Variants in PRKAG1 observed in about 807,000 individuals in gnomAD.
PRKAG1 encodes the protein 5'-AMP-activated protein kinase subunit gamma-1.
In PRKAG1, 27 loss-of-function variants were observed where a neutral mutation model predicts 48.2. The observed-to-expected ratio is 0.56, with a 90% CI of 0.41 to 0.77. PRKAG1 has a LOEUF of 0.77. Among genes scored for constraint, PRKAG1 ranks in the 30% least tolerant of loss-of-function variants. The pLI, the probability that PRKAG1 is intolerant of heterozygous loss-of-function variation, is 0.00. For synonymous variants in PRKAG1, 130 were observed against 147.7 expected, an observed-to-expected ratio of 0.88 and a Z score of 0.87; for missense variants, 287 against 398.3, an observed-to-expected ratio of 0.72 and a Z score of 2.38.
Position 49,003,939 on chromosome 12 carries a change from C to G in PRKAG1, c.538-17G>C, listed in dbSNP as rs796422107. The stretch of plus-strand genomic sequence containing the variant: ...CTCAGTGATCTGAGGAAAGAACCAT[C>G]AGCTTAACTTTCAAGGCACCCAAAG... On this transcript the variant is annotated splice_polypyrimidine_tract_variant and intron_variant, in intron 8 of 11. Coordinates refer to ENST00000548065, the MANE Select transcript of PRKAG1 (RefSeq NM_002733.5). The G allele has an allele frequency of 6.4e-7, 1 of 1,574,210 alleles. No homozygotes were observed. Among genetic ancestry groups the G allele is most frequent in the African/African-American group, 1.4e-5 (1 of 73,728 alleles).
chr12:49,018,569 C>G, intron 1 of PRKAG1, 163 bp downstream of exon 1: 1 of 1,481,304 alleles, frequency 6.8e-7, no homozygotes, highest in Non-Finnish European at 8.9e-7. Context: ...ATGCGCCCAA[C>G]GAAGAAGCGG....
At position 49,003,888 on chromosome 12, in the gene PRKAG1, T is replaced by G; in HGVS notation, c.572A>C (p.Lys191Thr). ...GCCAATCTGTAGCTCTTCCAGAGAC[T>G]TGGACATGAACTCTGGCTTGGGGAA... ...TEFPKPEFMS[K>T]SLEELQIGTY... The change falls in exon 9 of 12, where the codon AAG (lysine) becomes ACG (threonine). Residue 191 changes from lysine to threonine, a missense_variant. By Grantham distance (78) the Lys-to-Thr change is moderately conservative. Transcript: ENST00000548065. The G allele has an allele frequency of 6.2e-7, 1 of 1,611,922 alleles. No individual in the cohort carries two copies. The highest frequency in any genetic ancestry group is 1.1e-5 in the South Asian group (1 of 90,758).
chr12:49,010,445 G>A (rs1351832897), intron 2 of PRKAG1, among the ~76,000 whole-genome samples: 1 of 152,182 alleles, frequency 6.6e-6, no homozygotes, highest in Non-Finnish European at 1.5e-5. Context: ...TGAAAAGGGG[G>A]AAAGGGCTGG....
intron 2 of PRKAG1, chr12:49,009,309 A>T (rs1941669689): frequency 6.6e-6 from 1 of 151,614 alleles, no homozygotes; most frequent in Non-Finnish European, 1.5e-5. Context: ...TTTTTTGTAG[A>T]GACAGGGTCT....
intron 2 of PRKAG1, among the ~76,000 whole-genome samples, chr12:49,009,727 C>T (rs1941683352): frequency 6.6e-6 from 1 of 152,154 alleles, no homozygotes; most frequent in East Asian, 1.9e-4. Flanking sequence ...ATTCTCCTGT[C>T]TCAGCCTCCC....
chr12:49,013,109 A>T lies in PRKAG1; in HGVS notation c.11T>A (p.Val4Asp), dbSNP rs1555182596. MET[V>D]ISSDSSPAVE... ...AGCTGGGGAGCTATCTGAAGAAATG[A>T]CCTGGAGAGATAAGAAAACAGATTC... Residue 4 changes from valine (V) to aspartate (D), a missense_variant and splice_region_variant, in exon 2 of 12, where the codon GTC becomes GAC. Val to Asp is a radical substitution (Grantham distance 152, BLOSUM62 -3). Around this residue, in one of 2 missense-constraint regions of PRKAG1, gnomAD observed 63 missense variants for 54.0 expected, o/e 1.17. Transcript: ENST00000548065. 3.7e-6 allele frequency: 6 copies of T among 1,613,288 alleles called. No individual in the cohort carries two copies. The highest frequency in any genetic ancestry group is 5.1e-6 in the Non-Finnish European group (6 of 1,179,332).
Position 49,005,819 on chromosome 12 carries a change from G to T in PRKAG1, c.92C>A (p.Ser31Tyr). The change falls in exon 3 of 12, where the codon TCC becomes TAC. Residue 31 changes from serine to tyrosine, a missense_variant. Physicochemically the swap from Ser to Tyr is moderately radical, Grantham distance 144. Around this residue, in one of 2 missense-constraint regions of PRKAG1, gnomAD observed 63 missense variants for 54.0 expected, o/e 1.17. Coordinates refer to ENST00000548065, the MANE Select transcript of PRKAG1 (RefSeq NM_002733.5). This position sits in a 1 kb window ranked among gnomAD's most constrained non-coding sequence, Gnocchi z 4.1. Reference protein sequence around the residue: ...TPESNNSVYTSFMKSHRCYDL... With the variant: ...TPESNNSVYTYFMKSHRCYDL... ...ATAGCAGCGATGAGACTTCATGAAG[G>T]AAGTATACACGCTATTGTTGGATTC... The T allele has an allele frequency of 6.2e-7, 1 of 1,613,300 alleles. No individual in the cohort carries two copies. The highest frequency in any genetic ancestry group is 8.5e-7 in the Non-Finnish European group (1 of 1,179,580).
chr12:49,013,710 C>T (rs907988323), intron 1 of PRKAG1, among the ~76,000 whole-genome samples: 2 of 152,170 alleles, frequency 1.3e-5, no homozygotes, highest in Admixed American at 6.5e-5. Flanking sequence ...ATTCAAACAC[C>T]TATCTTCTGG....
In PRKAG1 at chr12:49,013,196, T is replaced by C. The variant is rs1941828672; in HGVS notation, c.10-86A>G. ...ATTAGGGGAAGGGCTGGTGAACAAA[T>C]AATGACTTTCTTTAAAGCACTATAA... is the stretch of plus-strand genomic sequence containing the variant. On this transcript the variant is annotated intron_variant, in intron 1 of 11. Coordinates refer to ENST00000548065, the MANE Select transcript of PRKAG1 (RefSeq NM_002733.5). The C allele has an allele frequency of 4.8e-6, 6 of 1,247,642 alleles. No homozygotes were observed. The South Asian group carries it at 7.5e-5, about 16-fold the overall frequency. 77.3% of individuals were successfully genotyped at this position (1,247,642 alleles called of 1,614,324 possible). A position where few individuals can be genotyped will look rare whatever the true frequency, so the allele number is the denominator to read the frequency against.
chr12:49,005,963 T>C lies in PRKAG1; in HGVS notation c.59-111A>G. The stretch of plus-strand genomic sequence containing the variant: ...TCTCAAATATTTAGAGCATTATTTT[T>C]TAATAAGACCCCTTATTTTATCTGT... On this transcript the variant is annotated intron_variant, in intron 2 of 11. Coordinates refer to ENST00000548065, the MANE Select transcript of PRKAG1 (RefSeq NM_002733.5). This position sits in a 1 kb window ranked among gnomAD's most constrained non-coding sequence, Gnocchi z 4.1. 1.3e-6 allele frequency: 1 copy of C among 767,516 alleles called. No homozygotes were observed. Among genetic ancestry groups the C allele is most frequent in the Admixed American group, 3.0e-5 (1 of 33,332 alleles). 47.5% of individuals were successfully genotyped at this position (767,516 alleles called of 1,614,324 possible). A position where few individuals can be genotyped will look rare whatever the true frequency, so the allele number is the denominator to read the frequency against.
chr12:49,010,600 G>A (rs962928116), intron 2 of PRKAG1, among the ~76,000 whole-genome samples: 6 of 152,074 alleles, frequency 3.9e-5, no homozygotes, highest in African/African-American at 1.2e-4. Context: ...AATGGGGTAG[G>A]GTGTCTTGGG....
intron 1 of PRKAG1, among the ~76,000 whole-genome samples, chr12:49,015,514 T>G (rs61337853): frequency 0.046 from 6,920 of 151,626 alleles, 503 homozygotes; most frequent in African/African-American, 0.15. Context: ...GAAAGAAACA[T>G]AGAGCTAACT....
intron 2 of PRKAG1, among the ~76,000 whole-genome samples, chr12:49,007,732 A>G (rs1003093540): frequency 1.5e-4 from 22 of 151,672 alleles, no homozygotes; most frequent in Non-Finnish European, 2.2e-4. Context: ...TTTATCATCT[A>G]TCTACCAAAG....
At position 49,005,162 on chromosome 12, in the gene PRKAG1, G is replaced by A; in HGVS notation, c.313C>T (p.Gln105Ter). 6.2e-7 allele frequency: 1 copy of A among 1,614,096 alleles called. No individual in the cohort carries two copies. Among genetic ancestry groups the A allele is most frequent in the Non-Finnish European group, 8.5e-7 (1 of 1,180,020 alleles). ...TTGTGTTCTTCTAGCTCATAGATCTGTACCTGAAAGCAGAAGCAACAGAAT... is the reference window on the plus strand; with the variant it reads ...TTGTGTTCTTCTAGCTCATAGATCTATACCTGAAAGCAGAAGCAACAGAAT... ...LHRYYKSALV[Q>*]IYELEEHKIE... The change falls in exon 6 of 12, where the codon CAG becomes TAG. Residue 105 changes from glutamine (Q) to a stop codon, truncating the protein, a stop_gained. Transcript: ENST00000548065. LOFTEE classifies it high-confidence loss of function. The surrounding 1 kb of genome is among the most constrained non-coding windows in gnomAD (Gnocchi z 4.1).
At chr12:49,010,745 CCT>C (rs1941721312) in intron 2 of PRKAG1, among the ~76,000 whole-genome samples, 1 of 152,110 alleles carries the variant, frequency 6.6e-6, no homozygotes, top group Admixed American at 6.5e-5. Flanking sequence ...GCTATTATCT[CCT>C]CTCCTGTTTT....
rs1420199753 is a variant in PRKAG1 at position 49,002,854 on chromosome 12, TGAG to T, written c.*42_*44del. 1 of 1,535,366 alleles carries T rather than the reference TGAG, an allele frequency of 6.5e-7. No individual in the cohort carries two copies. Among genetic ancestry groups the T allele is most frequent in the Non-Finnish European group, 9.0e-7 (1 of 1,111,680 alleles). ...TTCCCACAGAGCTTCCAGCAGGCAG[TGAG>T]TTGGGCATATCCCCTGGTGCTGCAT... is the stretch of plus-strand genomic sequence containing the variant. On this transcript the variant is annotated 3_prime_UTR_variant, in exon 12 of 12. Transcript: ENST00000548065.
chr12:49,018,287 C>G (rs1942083327), intron 1 of PRKAG1: 1 of 225,688 alleles, frequency 4.4e-6, no homozygotes, highest in Non-Finnish European at 8.1e-6. Flanking sequence ...GTCCTCCTGC[C>G]GGGGATTGCA....
intron 2 of PRKAG1, among the ~76,000 whole-genome samples, chr12:49,008,998 T>A (rs1458919990): frequency 2.6e-5 from 4 of 152,082 alleles, no homozygotes; most frequent in Non-Finnish European, 4.4e-5. Flanking sequence ...AGTTCCTCAA[T>A]TATTTCCTTC....
At chr12:49,003,437 G>T in intron 10 of PRKAG1, 121 bp downstream of exon 10, 1 of 1,530,814 alleles carries the variant, frequency 6.5e-7, no homozygotes, top group South Asian at 1.2e-5. Context: ...AATAGGATTT[G>T]AAAGCCTGGA....
Sources: gnomAD v4.1 joint callset for allele counts (sites outside exome capture counted in the v4.1 genomes callset) on GRCh38, gnomAD v4.1.1 for gene constraint, gnomAD v4.1.1 regional missense constraint, Gnocchi (gnomAD v3.1) non-coding constraint, MANE v1.5 for transcripts, NCBI Gene and HGNC (gene_info 2026-07-23, HGNC 2026-07-21) for gene names.